Variants in XIRP2 observed in about 807,000 individuals in gnomAD.
XIRP2 encodes xin actin-binding repeat-containing protein 2.
A neutral mutation model predicts 277.0 loss-of-function variants in XIRP2; 236 were observed. The ratio of observed to expected loss-of-function variants is 0.85; its 90% confidence interval spans 0.77 to 0.95. XIRP2 has a LOEUF of 0.95. Among genes scored for constraint, XIRP2 ranks in the 40% least tolerant of loss-of-function variants. XIRP2 has a pLI of 0.00. For missense variants in XIRP2, 4,640 were observed against 4,157.5 expected (o/e 1.12, Z -3.19); for synonymous variants, 1,490 against 1,416.5 (o/e 1.05, Z -1.17).
Position 167,201,190 on chromosome 2 carries a change from GAAAGAAAGAAAGAAAGAA to G in XIRP2, c.563-9543_563-9526del, listed in dbSNP as rs1343531355. ...AGAGAGAGAAAGAAAGAGAGAGAGAGAAAGAAAGAAAGAAAGAAAGAAAGAAAGAAAGAAAGAAAGAAA... is the reference window on the plus strand; with the variant it reads ...AGAGAGAGAAAGAAAGAGAGAGAGAGAGAAAGAAAGAAAGAAAGAAAGAAA... On this transcript the variant is annotated intron_variant, in intron 3 of 10. Transcript: ENST00000409195. Among the ~76,000 whole-genome samples the G allele has an allele frequency of 3.3e-3, 36 of 11,074 alleles. No homozygotes were observed. The East Asian group carries it at 0.035, about 11-fold the overall frequency. 7.3% of individuals were successfully genotyped at this position (11,074 alleles called of 152,430 possible). A position where few individuals can be genotyped will look rare whatever the true frequency, so the allele number is the denominator to read the frequency against.
At chr2:167,079,232 T>C (rs1410019259) in intron 2 of XIRP2, among the ~76,000 whole-genome samples, 1 of 152,180 alleles carries the variant, frequency 6.6e-6, no homozygotes, top group African/African-American at 2.4e-5. Context: ...TGAATTAAGT[T>C]TTTGATGTGC....
Position 167,243,797 on chromosome 2 carries a change from A to G in XIRP2, c.2405A>G (p.Lys802Arg). The G allele has an allele frequency of 6.2e-7, 1 of 1,614,076 alleles. No homozygotes were observed. Among genetic ancestry groups the G allele is most frequent in the Non-Finnish European group, 8.5e-7 (1 of 1,179,976 alleles). ...VRGISMEENV[K>R]GGVSKAKWLF... The stretch of plus-strand genomic sequence containing the variant: ...GGAATATCCATGGAAGAAAATGTCA[A>G]AGGTGGGGTGAGTAAGGCAAAGTGG... The change falls in exon 9 of 11, where the codon AAA (lysine) becomes AGA (arginine). Residue 802 changes from lysine (K) to arginine (R), a missense_variant. Physicochemically the swap from Lys to Arg is conservative, Grantham distance 26 (BLOSUM62 2). Coordinates refer to ENST00000409195, the MANE Select transcript of XIRP2 (RefSeq NM_152381.6).
intron 2 of XIRP2, among the ~76,000 whole-genome samples, chr2:167,075,616 TAA>T (rs967187292): frequency 2.0e-5 from 3 of 152,214 alleles, no homozygotes; most frequent in African/African-American, 7.2e-5. Flanking sequence ...CCAATATTTA[TAA>T]GAGATTTAAG....
chr2:167,259,295 G>A lies in XIRP2; in HGVS notation c.*1478G>A, dbSNP rs1273459016. 1 of 1,613,228 alleles carries A rather than the reference G, an allele frequency of 6.2e-7. No homozygotes were observed. The highest frequency in any genetic ancestry group is 8.5e-7 in the Non-Finnish European group (1 of 1,179,560). ...TAAGCCTTTGTTTCCCAGAGTGGAG[G>A]TGCAGTCAGAACAACTCACGGTGGA... On this transcript the variant is annotated 3_prime_UTR_variant, in exon 11 of 11. Coordinates refer to ENST00000409195, the MANE Select transcript of XIRP2 (RefSeq NM_152381.6).
chr2:167,001,219 A>C (rs1687359570), intron 2 of XIRP2, among the ~76,000 whole-genome samples: 1 of 152,142 alleles, frequency 6.6e-6, no homozygotes, highest in African/African-American at 2.4e-5. Flanking sequence ...AACACCAAGC[A>C]CTAAAAGTAT....
intron 2 of XIRP2, among the ~76,000 whole-genome samples, chr2:167,015,229 C>T (rs768622275): frequency 6.6e-6 from 1 of 151,674 alleles, no homozygotes; most frequent in East Asian, 1.9e-4. Flanking sequence ...TTAAACATAG[C>T]GTTAAAATAT....
Position 167,258,807 on chromosome 2 carries a change from A to G in XIRP2, c.*990A>G, listed in dbSNP as rs768307097. On this transcript the variant is annotated 3_prime_UTR_variant, in exon 11 of 11. Coordinates refer to ENST00000409195, the MANE Select transcript of XIRP2 (RefSeq NM_152381.6). ...GAATATGAAATTGAGAAGTTAGAAA[A>G]TACATCTAGAATCTCAGAGTTACTT... 6.2e-7 allele frequency: 1 copy of G among 1,613,260 alleles called. No homozygotes were observed. The highest frequency in any genetic ancestry group is 1.1e-5 in the South Asian group (1 of 91,054).
At chr2:167,182,288 C>A (rs1050974537) in intron 3 of XIRP2, among the ~76,000 whole-genome samples, 1 of 152,158 alleles carries the variant, frequency 6.6e-6, no homozygotes, top group African/African-American at 2.4e-5. Flanking sequence ...ATGAAACTTT[C>A]ATATTCATAT....
chr2:167,103,511 A>T (rs1690540503), intron 2 of XIRP2, among the ~76,000 whole-genome samples: 1 of 152,098 alleles, frequency 6.6e-6, no homozygotes, highest in East Asian at 1.9e-4. Flanking sequence ...AAACCTTGAG[A>T]TTTAGAGAGT....
Position 166,904,577 on chromosome 2 carries a change from G to A in XIRP2, c.408+687G>A, listed in dbSNP as rs112538586. Among the ~76,000 whole-genome samples, 43 of 152,156 alleles carry A rather than the reference G, an allele frequency of 2.8e-4. 1 individual carries two copies. The highest frequency in any genetic ancestry group is 1.2e-3 in the Admixed American group (18 of 15,274). ...GGCATTTAGCCAAATTTAGGAAACA[G>A]GATTAGCAACATTATTAACTAAGAC... On this transcript the variant is annotated intron_variant, in intron 2 of 10. Transcript: ENST00000409195.
intron 2 of XIRP2, among the ~76,000 whole-genome samples, chr2:167,045,246 T>C (rs930684146): frequency 6.6e-6 from 1 of 151,922 alleles, no homozygotes; most frequent in African/African-American, 2.4e-5. Context: ...TACAGAAAAA[T>C]TAACTCAAGA....
At chr2:167,212,913 GCA>G (rs58755599) in intron 4 of XIRP2, among the ~76,000 whole-genome samples, 18 of 36,350 alleles carry the variant, frequency 5.0e-4, no homozygotes, top group South Asian at 1.5e-3. Flanking sequence ...CCACCCCTCT[GCA>G]CACACACACA....
chr2:167,196,857 G>A (rs1445947227), intron 3 of XIRP2, among the ~76,000 whole-genome samples: 10 of 152,122 alleles, frequency 6.6e-5, no homozygotes, highest in Admixed American at 1.3e-4. Flanking sequence ...TATGTGTGTG[G>A]AGTGGGGTGG....
In XIRP2 at chr2:167,245,712, T is replaced by C. The variant is rs754409618; in HGVS notation, c.4320T>C (p.Ser1440=). 86 of 1,613,532 alleles carry C rather than the reference T, an allele frequency of 5.3e-5. No homozygotes were observed. The highest frequency in any genetic ancestry group is 4.5e-5 in the Non-Finnish European group (53 of 1,179,740). The change falls in exon 9 of 11, where the codon AGT becomes AGC. Residue 1440 remains serine, a synonymous_variant. Coordinates refer to ENST00000409195, the MANE Select transcript of XIRP2 (RefSeq NM_152381.6). ...AGAATAACTATATACGAACAGTAAG[T>C]GTCAATGAAATACAAAAGGGCAATG... ...FDKNNYIRTV[S]VNEIQKGNVK...
chr2:166,983,589 T>C (rs1686928756), intron 2 of XIRP2, among the ~76,000 whole-genome samples: 1 of 152,226 alleles, frequency 6.6e-6, no homozygotes, highest in Non-Finnish European at 1.5e-5. Flanking sequence ...AGTCAATTGA[T>C]GGCTGATCTC....
intron 3 of XIRP2, among the ~76,000 whole-genome samples, chr2:167,139,617 C>A (rs182199384): frequency 1.3e-5 from 2 of 152,212 alleles, no homozygotes; most frequent in Non-Finnish European, 2.9e-5. Context: ...CTGCTCTTTA[C>A]GTGAGGGGAT....
intron 5 of XIRP2, among the ~76,000 whole-genome samples, chr2:167,234,673 G>GCT: frequency 1.3e-5 from 2 of 151,578 alleles, no homozygotes; most frequent in Non-Finnish European, 3.0e-5. Context: ...ATAACTTTAG[G>GCT]CAGAGTTACT....
intron 2 of XIRP2, among the ~76,000 whole-genome samples, chr2:167,078,042 G>C (rs1339269418): frequency 6.6e-6 from 1 of 152,178 alleles, no homozygotes; most frequent in African/African-American, 2.4e-5. Flanking sequence ...TATAGAAATA[G>C]CATTGAATCT....
intron 9 of XIRP2, 153 bp downstream of exon 9, chr2:167,252,100 A>G (rs1559046539): frequency 8.3e-7 from 1 of 1,208,930 alleles, no homozygotes; most frequent in Non-Finnish European, 1.1e-6. Flanking sequence ...TAGACTCTTT[A>G]TATGCTTGCT....
Sources: allele counts gnomAD v4.1 joint callset (sites outside exome capture counted in the v4.1 genomes callset), GRCh38; gene constraint gnomAD v4.1.1; transcripts MANE v1.5; gene names NCBI Gene and HGNC (gene_info 2026-07-23, HGNC 2026-07-21).